The following LGR5 variants were observed in gnomAD, a reference collection of about 807,000 sequenced individuals.
LGR5 encodes the protein leucine-rich repeat-containing G protein-coupled receptor 5.
LGR5 carries 54 observed loss-of-function variants against 76.7 expected under a neutral mutation model. The observed-to-expected ratio is 0.70, with a 90% CI of 0.57 to 0.88. LGR5 has a LOEUF of 0.88. LGR5 is among the 40% of genes least tolerant of loss of function. LGR5 has a pLI of 0.00. For missense variants in LGR5, 1,078 were observed against 1,073.3 expected (o/e 1.00, Z -0.06); for synonymous variants, 406 against 421.9 (o/e 0.96, Z 0.46).
intron 1 of LGR5, among the ~76,000 whole-genome samples, chr12:71,471,641 G>GTT (rs71437179): frequency 7.0e-6 from 1 of 142,666 alleles, no homozygotes. Flanking sequence ...AAGCTGTTTT[G>GTT]TTTTTTTTTT....
intron 8 of LGR5, among the ~76,000 whole-genome samples, chr12:71,565,093 C>T (rs1466387145): frequency 1.3e-5 from 2 of 151,832 alleles, no homozygotes; most frequent in African/African-American, 4.8e-5. Context: ...CATCATAAGG[C>T]CCATATTCCA....
At chr12:71,485,084 C>G (rs1263894353) in intron 1 of LGR5, among the ~76,000 whole-genome samples, 1 of 151,916 alleles carries the variant, frequency 6.6e-6, no homozygotes, top group Non-Finnish European at 1.5e-5. Context: ...TCTGTATAGG[C>G]AAGAGTTGTA....
At chr12:71,443,913 GA>G (rs1463546370) in intron 1 of LGR5, among the ~76,000 whole-genome samples, 1 of 149,326 alleles carries the variant, frequency 6.7e-6, no homozygotes, top group East Asian at 1.9e-4. Context: ...CAAGAGAAAA[GA>G]TTTTTTTTTT....
At chr12:71,491,210 G>C (rs1046489185) in intron 1 of LGR5, among the ~76,000 whole-genome samples, 1 of 152,022 alleles carries the variant, frequency 6.6e-6, no homozygotes. Flanking sequence ...ACCCAGTCTT[G>C]GGTATTTCTT....
At chr12:71,479,611 A>C (rs557618511) in intron 1 of LGR5, among the ~76,000 whole-genome samples, 1 of 152,222 alleles carries the variant, frequency 6.6e-6, no homozygotes, top group African/African-American at 2.4e-5. Context: ...ATTCTTTGAG[A>C]GGACATATTC....
chr12:71,535,194 T>C lies in LGR5; in HGVS notation c.428+8T>C. 1 of 1,559,660 alleles carries C rather than the reference T, an allele frequency of 6.4e-7. No homozygotes were observed. The highest frequency in any genetic ancestry group is 1.4e-5 in the African/African-American group (1 of 73,978). On this transcript the variant is annotated splice_region_variant and intron_variant, in intron 4 of 17. Coordinates refer to ENST00000266674, the MANE Select transcript of LGR5 (RefSeq NM_003667.4). ...GCGAAGCCTTCAATCCCTGTAAGTA[T>C]AGTAGACATTGCAAAATATATTTAA...
chr12:71,506,915 A>G (rs577984237), intron 2 of LGR5, among the ~76,000 whole-genome samples: 14 of 152,308 alleles, frequency 9.2e-5, no homozygotes, highest in South Asian at 2.1e-4. Context: ...TGTTTAAAAA[A>G]TATCCCTTTA....
intron 4 of LGR5, among the ~76,000 whole-genome samples, chr12:71,552,800 A>G (rs1264113878): frequency 1.3e-5 from 2 of 152,164 alleles, no homozygotes; most frequent in African/African-American, 2.4e-5. Context: ...AGGGGAGGCC[A>G]CTTCCATCCA....
chr12:71,496,738 A>C (rs1874341749), intron 1 of LGR5, among the ~76,000 whole-genome samples: 1 of 152,218 alleles, frequency 6.6e-6, no homozygotes, highest in Non-Finnish European at 1.5e-5. Flanking sequence ...ATAAAATGAA[A>C]CACTATGTTG....
intron 11 of LGR5, among the ~76,000 whole-genome samples, chr12:71,569,448 T>A (rs1878500947): frequency 6.6e-6 from 1 of 152,004 alleles, no homozygotes; most frequent in South Asian, 2.1e-4. Flanking sequence ...ACAAGGAACT[T>A]AAGCAAATTT....
At chr12:71,477,365 G>A (rs1396307235) in intron 1 of LGR5, among the ~76,000 whole-genome samples, 2 of 151,566 alleles carry the variant, frequency 1.3e-5, no homozygotes, top group African/African-American at 2.4e-5. Context: ...GGTGGGACAC[G>A]GACCTAATGG....
intron 2 of LGR5, among the ~76,000 whole-genome samples, chr12:71,510,025 TCTGTATAGCTGTCCTGC>T (rs1240085233): frequency 1.3e-5 from 2 of 152,182 alleles, no homozygotes; most frequent in Non-Finnish European, 2.9e-5. Context: ...GAAAATAGCA[TCTGTATAGCTGTCCTGC>T]CTGTCTTTTG....
At chr12:71,551,507 AC>A (rs765410642) in intron 4 of LGR5, among the ~76,000 whole-genome samples, 8 of 152,032 alleles carry the variant, frequency 5.3e-5, no homozygotes, top group Non-Finnish European at 1.2e-4. Flanking sequence ...TTTTAATCCT[AC>A]CTTTGAAAAT....
At chr12:71,487,601 C>T (rs920206030) in intron 1 of LGR5, among the ~76,000 whole-genome samples, 6 of 152,068 alleles carry the variant, frequency 3.9e-5, no homozygotes, top group Non-Finnish European at 5.9e-5. Flanking sequence ...TATTTCTGTA[C>T]GAGGTCTCAC....
intron 4 of LGR5, among the ~76,000 whole-genome samples, chr12:71,539,831 A>C (rs1244494365): frequency 6.6e-6 from 1 of 152,198 alleles, no homozygotes; most frequent in Non-Finnish European, 1.5e-5. Flanking sequence ...GCTAAGGAAT[A>C]AGAGTGCAGG....
chr12:71,518,762 T>C (rs781365687), intron 2 of LGR5, among the ~76,000 whole-genome samples: 2 of 152,036 alleles, frequency 1.3e-5, no homozygotes, highest in Admixed American at 6.5e-5. Context: ...AGGTACCACA[T>C]AGTCTTATAA....
chr12:71,579,302 AAATT>A (rs1210009181), intron 15 of LGR5, among the ~76,000 whole-genome samples: 1 of 152,340 alleles, frequency 6.6e-6, no homozygotes, highest in East Asian at 1.9e-4. Context: ...AAAATGTACT[AAATT>A]AATATTTGTT....
intron 1 of LGR5, among the ~76,000 whole-genome samples, chr12:71,498,555 G>A (rs1274219616): frequency 1.3e-5 from 2 of 152,148 alleles, no homozygotes; most frequent in African/African-American, 2.4e-5. Context: ...GTGGCAGACA[G>A]TGGAGCCCTC....
At chr12:71,563,486 A>G (rs996083194) in intron 8 of LGR5, among the ~76,000 whole-genome samples, 2 of 152,182 alleles carry the variant, frequency 1.3e-5, no homozygotes, top group African/African-American at 2.4e-5. Context: ...CAGGATGTCT[A>G]TTTACACTAA....
Sources: allele counts gnomAD v4.1 joint callset (sites outside exome capture counted in the v4.1 genomes callset), GRCh38; gene constraint gnomAD v4.1.1; transcripts MANE v1.5; gene names NCBI Gene and HGNC (gene_info 2026-07-23, HGNC 2026-07-21).